The following INCENP variants were observed in gnomAD, a reference collection of about 807,000 sequenced individuals.
INCENP encodes the protein binds and activates aurora-B and -C in vivo and in vitro.
Under a neutral mutation model 107.3 loss-of-function variants are expected in INCENP, and 43 were observed. The ratio of observed to expected loss-of-function variants is 0.40; its 90% CI spans 0.31 to 0.52. The LOEUF (loss-of-function observed/expected upper bound fraction) is 0.52, where lower values mean the gene tolerates loss of function less well. Among genes scored for constraint, INCENP ranks in the 20% least tolerant of loss-of-function variants. The pLI is 0.53. For missense variants in INCENP, 1,089 were observed against 1,250.9 expected, an observed-to-expected ratio of 0.87 and a Z score of 1.95; for synonymous variants, 488 against 494.4, an observed-to-expected ratio of 0.99 and a Z score of 0.17.
intron 4 of INCENP, among the ~76,000 whole-genome samples, chr11:62,137,088 T>C (rs1415680862): frequency 6.6e-6 from 1 of 152,044 alleles, no homozygotes; most frequent in African/African-American, 2.4e-5. Context: ...GCGCAGTGGC[T>C]CACGCCTGTA....
At position 62,128,753 on chromosome 11, in the gene INCENP, C is replaced by G. The variant is rs373916634; in HGVS notation, c.141-17C>G. ...TTCCCAGGCAGCCTCGAGTGACACC[C>G]TCCTTGTGCCAAACAGAGAATTCAG... On this transcript the variant is annotated splice_polypyrimidine_tract_variant and intron_variant, in intron 2 of 18. Transcript: ENST00000394818. 2 of 1,582,068 alleles carry G rather than the reference C, an allele frequency of 1.3e-6. No individual in the cohort carries two copies.
intron 7 of INCENP, 115 bp downstream of exon 7, chr11:62,139,120 A>G (rs1944057202): frequency 1.4e-6 from 1 of 732,856 alleles, no homozygotes; most frequent in African/African-American, 1.8e-5. Flanking sequence ...CCAGTAGGCT[A>G]AAGAGAAATT....
intron 17 of INCENP, among the ~76,000 whole-genome samples, chr11:62,149,198 A>C (rs1460819693): frequency 1.3e-5 from 2 of 152,068 alleles, no homozygotes; most frequent in African/African-American, 4.8e-5. Flanking sequence ...ACCCATACAC[A>C]TACATATTTA....
intron 4 of INCENP, among the ~76,000 whole-genome samples, chr11:62,132,982 G>A (rs1184543335): frequency 6.6e-6 from 1 of 152,168 alleles, no homozygotes; most frequent in Non-Finnish European, 1.5e-5. Flanking sequence ...TGGATACTCA[G>A]TACATCTTAT....
In INCENP at chr11:62,150,138, G is replaced by T; in HGVS notation, c.2473G>T (p.Asp825Tyr). The T allele has an allele frequency of 1.9e-6, 3 of 1,614,070 alleles. No homozygotes were observed. The highest frequency in any genetic ancestry group is 2.5e-6 in the Non-Finnish European group (3 of 1,180,024). ...GATCAACCCAGATAACTACGGGATGGATCTGAATAGCGACGACTCCACCGA... is the reference window on the plus strand; with the variant it reads ...GATCAACCCAGATAACTACGGGATGTATCTGAATAGCGACGACTCCACCGA... ...PKINPDNYGM[D>Y]LNSDDSTDDE... The change falls in exon 18 of 19, where the codon GAT becomes TAT. Residue 825 changes from aspartate (D) to tyrosine (Y), a missense_variant. Coordinates refer to ENST00000394818, the MANE Select transcript of INCENP (RefSeq NM_001040694.2).
In INCENP at chr11:62,152,037, C is replaced by G; in HGVS notation, c.*61C>G. On this transcript the variant is annotated 3_prime_UTR_variant, in exon 19 of 19. Coordinates refer to ENST00000394818, the MANE Select transcript of INCENP (RefSeq NM_001040694.2). The stretch of plus-strand genomic sequence containing the variant: ...TGTCCATGTCTATCTGTCTGTCTGT[C>G]GGTCTCTGTCTTGGTCTGTTGCCCT... The G allele has an allele frequency of 7.4e-7, 1 of 1,345,078 alleles. No homozygotes were observed. Among genetic ancestry groups the G allele is most frequent in the Non-Finnish European group, 1.0e-6 (1 of 965,314 alleles). The allele number at this position is 1,345,078 out of a possible 1,614,324, so 83.3% of individuals were successfully genotyped here.
rs200650268 is a variant in INCENP at position 62,145,242 on chromosome 11, A to C, written c.1789A>C (p.Lys597Gln). Reference sequence around the variant, plus strand: ...GGAGCAGATGAAGGAGGAGAAGAAGAAGCAGATTGAGCAGAAGTTTGCTCA... The same window carrying C: ...GGAGCAGATGAAGGAGGAGAAGAAGCAGCAGATTGAGCAGAAGTTTGCTCA... ...RVEQMKEEKKKQIEQKFAQID... is the reference protein window; with the variant it reads ...RVEQMKEEKKQQIEQKFAQID... The change falls in exon 13 of 19, where the codon AAG becomes CAG. Residue 597 changes from lysine (K) to glutamine (Q), a missense_variant. Coordinates refer to ENST00000394818, the MANE Select transcript of INCENP (RefSeq NM_001040694.2). 3.7e-6 allele frequency: 6 copies of C among 1,614,026 alleles called. No individual in the cohort carries two copies. The highest frequency in any genetic ancestry group is 4.5e-5 in the East Asian group (2 of 44,850).
intron 11 of INCENP, 147 bp downstream of exon 11, chr11:62,141,658 G>C (rs1944126026): frequency 8.9e-7 from 1 of 1,118,128 alleles, no homozygotes; most frequent in African/African-American, 1.5e-5. Context: ...GACGGTGAGG[G>C]GTGCACTGGC....
intron 3 of INCENP, among the ~76,000 whole-genome samples, chr11:62,129,284 T>C (rs1185997362): frequency 6.6e-6 from 1 of 152,188 alleles, no homozygotes; most frequent in Non-Finnish European, 1.5e-5. Context: ...TGATTGGGGC[T>C]GCAGAGTGCT....
chr11:62,128,621 C>T (rs1350181812), intron 2 of INCENP, 149 bp from the exon 3 acceptor site: 2 of 648,286 alleles, frequency 3.1e-6, no homozygotes, highest in East Asian at 2.7e-5. Context: ...CCGCAGGTGA[C>T]TTGCACATGG....
Position 62,150,175 on chromosome 11 carries a change from A to T in INCENP, c.2510A>T (p.His837Leu). ...NSDDSTDDEA[H>L]PRKPIPTWAR... ...GACGACTCCACCGATGATGAGGCCC[A>T]TCCCCGGAAGCCCATCCCCACCTGG... is the stretch of plus-strand genomic sequence containing the variant. The change falls in exon 18 of 19, where the codon CAT becomes CTT. Residue 837 changes from histidine (H) to leucine (L), a missense_variant. Physicochemically the swap from His to Leu is moderately conservative, Grantham distance 99 (BLOSUM62 -3). Transcript: ENST00000394818. The T allele has an allele frequency of 6.2e-7, 1 of 1,614,024 alleles. No individual in the cohort carries two copies. The highest frequency in any genetic ancestry group is 1.6e-4 in the Middle Eastern group (1 of 6,062).
intron 15 of INCENP, among the ~76,000 whole-genome samples, chr11:62,147,517 A>G (rs1944277837): frequency 6.6e-6 from 1 of 152,110 alleles, no homozygotes; most frequent in Non-Finnish European, 1.5e-5. Context: ...CAAGGAGGAA[A>G]AGCCACACTC....
In INCENP at chr11:62,146,781, C is replaced by A; in HGVS notation, c.2083C>A (p.Gln695Lys). The A allele has an allele frequency of 6.5e-7, 1 of 1,528,864 alleles. No homozygotes were observed. Among genetic ancestry groups the A allele is most frequent in the South Asian group, 1.2e-5 (1 of 81,692 alleles). 94.7% of individuals were successfully genotyped at this position (1,528,864 alleles called of 1,614,324 possible). Residue 695 changes from glutamine (Q) to lysine (K), a missense_variant, in exon 15 of 19, where the codon CAG (glutamine) becomes AAG (lysine). Transcript: ENST00000394818. ...AEQREQERREQERREQERREQ... is the reference protein window; with the variant it reads ...AEQREQERREKERREQERREQ... ...GCAGCGGGAGCAGGAGCGGCGGGAG[C>A]AGGAGCGGCGCGAGCAGGAGCGGCG...
intron 1 of INCENP, 46 bp from the exon 2 acceptor site, chr11:62,128,105 C>T: frequency 6.2e-7 from 1 of 1,607,504 alleles, no homozygotes. Flanking sequence ...CCCCAGACCC[C>T]TACCCTGGGC....
At chr11:62,146,590 G>A (rs1944247102) in intron 14 of INCENP, 68 bp from the exon 15 acceptor site, 1 of 1,538,634 alleles carries the variant, frequency 6.5e-7, no homozygotes. Flanking sequence ...CTTCGGGGGA[G>A]TAGGGCTGCT....
At chr11:62,126,418 G>A (rs1335785300) in intron 1 of INCENP, among the ~76,000 whole-genome samples, 1 of 152,136 alleles carries the variant, frequency 6.6e-6, no homozygotes, top group Non-Finnish European at 1.5e-5. Context: ...GGCTGGTCTT[G>A]AACTCCTGAC....
chr11:62,146,814 G>A lies in INCENP; in HGVS notation c.2116G>A (p.Glu706Lys), dbSNP rs767561399. 4 of 1,537,350 alleles carry A rather than the reference G, an allele frequency of 2.6e-6. No homozygotes were observed. The highest frequency in any genetic ancestry group is 3.5e-6 in the Non-Finnish European group (4 of 1,138,150). ...ERREQERREQERREQERREQE... is the reference protein window; with the variant it reads ...ERREQERREQKRREQERREQE... The stretch of plus-strand genomic sequence containing the variant: ...GCGCGAGCAGGAGCGGCGCGAGCAG[G>A]AGCGGCGGGAGCAGGAGCGGCGCGA... The change falls in exon 15 of 19, where the codon GAG becomes AAG. Residue 706 changes from glutamate (E) to lysine (K), a missense_variant. Coordinates refer to ENST00000394818, the MANE Select transcript of INCENP (RefSeq NM_001040694.2).
At chr11:62,124,964 T>G (rs945810104) in intron 1 of INCENP, among the ~76,000 whole-genome samples, 3 of 152,236 alleles carry the variant, frequency 2.0e-5, no homozygotes, top group Non-Finnish European at 4.4e-5. Flanking sequence ...CACAGAGGTG[T>G]GGTAGGCGCC....
intron 10 of INCENP, 23 bp from the exon 11 acceptor site, chr11:62,141,477 C>T: frequency 6.2e-7 from 1 of 1,614,008 alleles, no homozygotes; most frequent in Non-Finnish European, 8.5e-7. Context: ...TAACTCTTGC[C>T]TTTTCCCTTG....
Sources: allele counts gnomAD v4.1 joint callset (sites outside exome capture counted in the v4.1 genomes callset), GRCh38; gene constraint gnomAD v4.1.1; transcripts MANE v1.5; gene names NCBI Gene and HGNC (gene_info 2026-07-23, HGNC 2026-07-21).